The following NLRP12 variants were observed in gnomAD, a reference collection of about 807,000 sequenced individuals.
NLRP12 encodes the protein NLR family pyrin domain containing 12, also known as NACHT, LRR and PYD domains-containing protein 12.
In NLRP12, 108 loss-of-function variants were observed where a neutral mutation model predicts 91.2. The observed-to-expected ratio is 1.18, with a 90% CI of 1.01 to 1.39. The LOEUF is 1.39. NLRP12 is among the 40% of genes most tolerant of loss of function. The pLI is 0.00. For missense variants in NLRP12, 1,530 were observed against 1,352.7 expected (o/e 1.13, Z -2.06); for synonymous variants, 613 against 566.7 (o/e 1.08, Z -1.16).
intron 2 of NLRP12, among the ~76,000 whole-genome samples, chr19:53,812,797 C>T (rs58954532): frequency 0.2 from 30,601 of 151,654 alleles, 3,324 homozygotes; most frequent in African/African-American, 0.27. Flanking sequence ...TAGTGACATA[C>T]ACATAAAATT....
rs1555799160 is a variant in NLRP12 at position 53,819,656 on chromosome 19, T to TAC, written c.289+4228_289+4229dup. Reference sequence around the variant, plus strand: ...ATATATGTATGTATACGTATATATATACACATGTATACATATATGTATGTA... The same window carrying TAC: ...ATATATGTATGTATACGTATATATATACACACATGTATACATATATGTATGTA... On this transcript the variant is annotated intron_variant, in intron 1 of 9. Transcript: ENST00000324134. Among the ~76,000 whole-genome samples the TAC allele has an allele frequency of 2.1e-4, 8 of 37,542 alleles. 1 individual carries two copies. The highest frequency in any genetic ancestry group is 5.3e-4 in the African/African-American group (7 of 13,238). 24.6% of individuals were successfully genotyped at this position (37,542 alleles called of 152,430 possible). A position where few individuals can be genotyped will look rare whatever the true frequency, so the allele number is the denominator to read the frequency against.
In NLRP12 at chr19:53,809,993, G is replaced by A. The variant is rs185301991; in HGVS notation, c.1666C>T (p.Leu556=). The change falls in exon 3 of 10, where the codon CTG becomes TTG. Residue 556 remains leucine, a synonymous_variant. Coordinates refer to ENST00000324134, the MANE Select transcript of NLRP12 (RefSeq NM_144687.4). ...TEYAFSERSF[L]ALTSRFLFGL... ...AACAGGAAGCGGCTGGTGAGTGCCA[G>A]GAAGCTCCTTTCAGAAAACGCGTAC... The A allele has an allele frequency of 1.2e-6, 2 of 1,614,152 alleles. No homozygotes were observed. Among genetic ancestry groups the A allele is most frequent in the Non-Finnish European group, 1.7e-6 (2 of 1,180,038 alleles).
intron 1 of NLRP12, among the ~76,000 whole-genome samples, chr19:53,821,031 CTTTTTTTT>C (rs1158419664): frequency 6.2e-5 from 5 of 81,284 alleles, no homozygotes; most frequent in East Asian, 3.5e-4. Flanking sequence ...CATATTTTTT[CTTTTTTTT>C]TTTTTTTTTT....
At chr19:53,800,940 A>ATCCCAGCACC (rs2091858564) in intron 7 of NLRP12, among the ~76,000 whole-genome samples, 1 of 152,018 alleles carries the variant, frequency 6.6e-6, no homozygotes. Context: ...CAAGCCTGTA[A>ATCCCAGCACC]TCCCAGCACT....
intron 7 of NLRP12, among the ~76,000 whole-genome samples, chr19:53,799,203 G>T (rs111516046): frequency 1.3e-5 from 2 of 150,882 alleles, no homozygotes; most frequent in Non-Finnish European, 2.9e-5. Context: ...AGTAGAGACG[G>T]GGTTTCACCA....
intron 1 of NLRP12, among the ~76,000 whole-genome samples, chr19:53,821,756 CAGA>C (rs1035119309): frequency 2.6e-5 from 4 of 152,046 alleles, no homozygotes; most frequent in African/African-American, 9.7e-5. Flanking sequence ...AGCGAGGAAT[CAGA>C]AGGAGTGGGG....
chr19:53,796,447 C>T (rs2091762399), intron 8 of NLRP12, among the ~76,000 whole-genome samples: 1 of 151,834 alleles, frequency 6.6e-6, no homozygotes, highest in Non-Finnish European at 1.5e-5. Flanking sequence ...GAGGGTTTCA[C>T]CTTGTTGGCC....
chr19:53,812,966 C>T (rs914838977), intron 2 of NLRP12, among the ~76,000 whole-genome samples: 19 of 150,702 alleles, frequency 1.3e-4, no homozygotes, highest in African/African-American at 4.4e-4. Flanking sequence ...CTGCAAACTC[C>T]GCCTCCCAGG....
intron 7 of NLRP12, among the ~76,000 whole-genome samples, chr19:53,800,458 A>G (rs10416363): frequency 0.43 from 65,997 of 151,978 alleles, 14,838 homozygotes; most frequent in South Asian, 0.55. Context: ...ACCCTGTCTC[A>G]AAATACAAAG....
intron 2 of NLRP12, among the ~76,000 whole-genome samples, chr19:53,814,247 CCT>C (rs755574229): frequency 1.1e-4 from 17 of 152,154 alleles, no homozygotes; most frequent in Non-Finnish European, 1.9e-4. Flanking sequence ...ACCTCGTTCC[CCT>C]CTGTCAGTGG....
chr19:53,810,613 T>G lies in NLRP12; in HGVS notation c.1046A>C (p.Lys349Thr). 6.2e-7 allele frequency: 1 copy of G among 1,614,048 alleles called. No individual in the cohort carries two copies. The highest frequency in any genetic ancestry group is 8.5e-7 in the Non-Finnish European group (1 of 1,180,010). ...GGGGTGCTCCAGCAGACGGTGGAGCTTCTCCAAAGCCGTGGGCCGTGTGGT... is the reference window on the plus strand; with the variant it reads ...GGGGTGCTCCAGCAGACGGTGGAGCGTCTCCAAAGCCGTGGGCCGTGTGGT... Reference protein sequence around the residue: ...LITTRPTALEKLHRLLEHPRH... With the variant: ...LITTRPTALETLHRLLEHPRH... The change falls in exon 3 of 10, where the codon AAG becomes ACG. Residue 349 changes from lysine (K) to threonine (T), a missense_variant. Coordinates refer to ENST00000324134, the MANE Select transcript of NLRP12 (RefSeq NM_144687.4).
chr19:53,797,543 C>T (rs892416508), intron 8 of NLRP12, among the ~76,000 whole-genome samples: 7 of 152,048 alleles, frequency 4.6e-5, no homozygotes, highest in Non-Finnish European at 8.8e-5. Flanking sequence ...CTCAACCTCC[C>T]GAGTAGCTGG....
intron 3 of NLRP12, among the ~76,000 whole-genome samples, chr19:53,808,927 C>G (rs572612806): frequency 1.3e-5 from 2 of 152,034 alleles, no homozygotes; most frequent in South Asian, 4.1e-4. Context: ...CCAAACATCG[C>G]CAAATGTCAG....
intron 2 of NLRP12, among the ~76,000 whole-genome samples, chr19:53,814,375 T>C (rs2092124836): frequency 2.0e-5 from 3 of 151,592 alleles, no homozygotes; most frequent in Non-Finnish European, 2.9e-5. Context: ...TTTTAAGAGA[T>C]GGAGTCTCAC....
chr19:53,820,936 T>G (rs570219918), intron 1 of NLRP12, among the ~76,000 whole-genome samples: 2 of 152,100 alleles, frequency 1.3e-5, no homozygotes, highest in East Asian at 3.9e-4. Context: ...CAATAGCCTA[T>G]ATTTGCTGAG....
chr19:53,795,834 G>A (rs766007421), intron 9 of NLRP12, 25 bp downstream of exon 9: 2 of 1,612,332 alleles, frequency 1.2e-6, no homozygotes, highest in South Asian at 2.2e-5. Context: ...GCCTCCTCCA[G>A]AAAGAACTGG....
chr19:53,822,133 A>G (rs2092271030), intron 1 of NLRP12, among the ~76,000 whole-genome samples: 1 of 152,144 alleles, frequency 6.6e-6, no homozygotes, highest in Non-Finnish European at 1.5e-5. Context: ...GGGTACTATT[A>G]CTATGTTCAA....
chr19:53,795,823 A>G (rs1377708910), intron 9 of NLRP12, 36 bp downstream of exon 9: 3 of 1,606,072 alleles, frequency 1.9e-6, no homozygotes, highest in Non-Finnish European at 2.6e-6. Context: ...CCCAATGTCC[A>G]GCCTCCTCCA....
chr19:53,809,527 A>AAAC (rs2092019581), intron 3 of NLRP12, 60 bp downstream of exon 3: 10 of 1,293,300 alleles, frequency 7.7e-6, no homozygotes, highest in East Asian at 2.6e-5. Context: ...CAAAAAAAAA[A>AAAC]AAAAAAAAAA....
Sources: allele counts gnomAD v4.1 joint callset (sites outside exome capture counted in the v4.1 genomes callset), GRCh38; gene constraint gnomAD v4.1.1; transcripts MANE v1.5; gene names NCBI Gene and HGNC (gene_info 2026-07-23, HGNC 2026-07-21).